The following TMEM132D variants were observed in gnomAD, a reference collection of about 807,000 sequenced individuals.
TMEM132D encodes the protein mature OL transmembrane protein.
Under a neutral mutation model 62.3 loss-of-function variants are expected in TMEM132D, and 21 were observed. The ratio of observed to expected loss-of-function variants is 0.34; its 90% CI spans 0.24 to 0.49. The LOEUF (loss-of-function observed/expected upper bound fraction) is 0.49, where lower values mean the gene tolerates loss of function less well. Among genes scored for constraint, TMEM132D ranks in the 20% least tolerant of loss-of-function variants. The pLI, the probability that TMEM132D is intolerant of heterozygous loss-of-function variation, is 0.99. For missense variants in TMEM132D, 1,346 were observed against 1,402.8 expected (o/e 0.96, Z 0.65); for synonymous variants, 621 against 575.6 (o/e 1.08, Z -1.13).
At chr12:129,794,440 C>T (rs542726307) in intron 1 of TMEM132D, among the ~76,000 whole-genome samples, 225 of 152,042 alleles carry the variant, frequency 1.5e-3, no homozygotes, top group Non-Finnish European at 2.8e-3. Flanking sequence ...AGGTATACAA[C>T]GCTCTTCTTC....
intron 3 of TMEM132D, among the ~76,000 whole-genome samples, chr12:129,412,685 T>A (rs934858688): frequency 5.9e-5 from 9 of 152,136 alleles, no homozygotes; most frequent in African/African-American, 2.2e-4. Context: ...TGAAACCCCA[T>A]CTCTACTAAA....
chr12:129,879,938 G>C (rs1001295307), intron 1 of TMEM132D, among the ~76,000 whole-genome samples: 17 of 152,034 alleles, frequency 1.1e-4, no homozygotes, highest in African/African-American at 4.1e-4. Context: ...GAGGAAAACA[G>C]GAAAGAGGAG....
chr12:129,369,696 T>C (rs1870535828), intron 3 of TMEM132D, among the ~76,000 whole-genome samples: 1 of 152,208 alleles, frequency 6.6e-6, no homozygotes, highest in Admixed American at 6.5e-5. Context: ...GATTGCTGCA[T>C]GATGAAAGTG....
At chr12:129,172,421 C>T (rs546054172) in intron 5 of TMEM132D, among the ~76,000 whole-genome samples, 36 of 152,356 alleles carry the variant, frequency 2.4e-4, no homozygotes, top group African/African-American at 7.2e-4. Context: ...CCTTTGCATT[C>T]ACAACTTGGC....
intron 2 of TMEM132D, among the ~76,000 whole-genome samples, chr12:129,662,134 G>A (rs1880251803): frequency 6.6e-6 from 1 of 152,208 alleles, no homozygotes; most frequent in South Asian, 2.1e-4. Context: ...GTGAAAGCAA[G>A]TGTGAGCTTT....
intron 1 of TMEM132D, among the ~76,000 whole-genome samples, chr12:129,878,822 G>A (rs1874510030): frequency 6.6e-6 from 1 of 152,126 alleles, no homozygotes; most frequent in Admixed American, 6.5e-5. Context: ...ACCTGCCTTG[G>A]CCTCCCAAAG....
At chr12:129,313,106 C>T (rs983149513) in intron 4 of TMEM132D, among the ~76,000 whole-genome samples, 1 of 152,074 alleles carries the variant, frequency 6.6e-6, no homozygotes, top group African/African-American at 2.4e-5. Context: ...ACTAGAGAGC[C>T]AAGAGGAACT....
intron 3 of TMEM132D, among the ~76,000 whole-genome samples, chr12:129,488,238 G>A (rs912412904): frequency 1.4e-4 from 21 of 152,148 alleles, no homozygotes; most frequent in African/African-American, 5.1e-4. Context: ...AACAAGCTGC[G>A]ACTCCATCAT....
chr12:129,142,928 T>C (rs1876784589), intron 5 of TMEM132D, among the ~76,000 whole-genome samples: 1 of 152,130 alleles, frequency 6.6e-6, no homozygotes, highest in Non-Finnish European at 1.5e-5. Flanking sequence ...CCTCAACTAC[T>C]CATTGTGGTC....
chr12:129,088,471 T>C (rs369815190), intron 5 of TMEM132D, among the ~76,000 whole-genome samples: 1 of 32,710 alleles, frequency 3.1e-5, no homozygotes, highest in Non-Finnish European at 5.0e-5. Context: ...ATGACCGGGG[T>C]GTCCTCCATG....
chr12:129,225,981 G>C (rs576130591), intron 4 of TMEM132D, among the ~76,000 whole-genome samples: 2 of 152,114 alleles, frequency 1.3e-5, no homozygotes, highest in East Asian at 3.9e-4. Context: ...ACTCCACTTG[G>C]TGCTCAGCCA....
At chr12:129,711,582 C>T (rs772754288) in intron 1 of TMEM132D, among the ~76,000 whole-genome samples, 9 of 151,850 alleles carry the variant, frequency 5.9e-5, no homozygotes, top group Non-Finnish European at 1.2e-4. Flanking sequence ...AAAAAATTAG[C>T]CGGGCATGGT....
intron 2 of TMEM132D, among the ~76,000 whole-genome samples, chr12:129,627,752 C>A (rs1879258817): frequency 6.6e-6 from 1 of 152,094 alleles, no homozygotes; most frequent in Non-Finnish European, 1.5e-5. Context: ...TTTGGGAAGC[C>A]AAGGCCAGGT....
chr12:129,621,230 T>C (rs1170164721), intron 2 of TMEM132D, among the ~76,000 whole-genome samples: 2 of 152,142 alleles, frequency 1.3e-5, no homozygotes, highest in Admixed American at 1.3e-4. Flanking sequence ...CTGTGCGCTC[T>C]GCATAGTGTG....
At chr12:129,659,955 G>A (rs1257194243) in intron 2 of TMEM132D, among the ~76,000 whole-genome samples, 1 of 152,194 alleles carries the variant, frequency 6.6e-6, no homozygotes, top group African/African-American at 2.4e-5. Flanking sequence ...AGGCACTGAT[G>A]CAGAAGAAGA....
At chr12:129,324,747 G>A (rs548881381) in intron 4 of TMEM132D, among the ~76,000 whole-genome samples, 1 of 152,174 alleles carries the variant, frequency 6.6e-6, no homozygotes, top group South Asian at 2.1e-4. Context: ...GGGATTGCTT[G>A]AACCTGGGAG....
intron 4 of TMEM132D, among the ~76,000 whole-genome samples, chr12:129,302,053 G>A (rs1411886880): frequency 6.6e-6 from 1 of 152,004 alleles, no homozygotes; most frequent in Non-Finnish European, 1.5e-5. Context: ...GGTTTTCTGG[G>A]CTCAAAATCT....
intron 3 of TMEM132D, among the ~76,000 whole-genome samples, chr12:129,366,542 C>T (rs1275200250): frequency 6.6e-6 from 1 of 152,180 alleles, no homozygotes; most frequent in Non-Finnish European, 1.5e-5. Flanking sequence ...TGCAGAACCA[C>T]GAGCAAATTA....
chr12:129,430,593 C>T (rs1872628323), intron 3 of TMEM132D, among the ~76,000 whole-genome samples: 1 of 152,160 alleles, frequency 6.6e-6, no homozygotes, highest in Non-Finnish European at 1.5e-5. Flanking sequence ...TGAGCCACCA[C>T]ACCCAGCCCA....
Sources: gnomAD v4.1 joint callset for allele counts (sites outside exome capture counted in the v4.1 genomes callset) on GRCh38, gnomAD v4.1.1 for gene constraint, MANE v1.5 for transcripts, NCBI Gene and HGNC (gene_info 2026-07-23, HGNC 2026-07-21) for gene names.